Variants in MTUS1 observed in about 807,000 individuals in gnomAD.
MTUS1 encodes microtubule-associated tumor suppressor 1.
In MTUS1, 109 loss-of-function variants were observed where a neutral mutation model predicts 120.8. The observed-to-expected ratio is 0.90, with a 90% confidence interval of 0.77 to 1.06. The LOEUF (loss-of-function observed/expected upper bound fraction) is 1.06, where lower values mean the gene tolerates loss of function less well. Among genes scored for constraint, MTUS1 ranks in the 50% least tolerant of loss-of-function variants. The pLI is 0.00. For synonymous variants in MTUS1, 737 were observed against 550.5 expected (o/e 1.34, Z -4.74); for missense variants, 2,210 against 1,486.3 (o/e 1.49, Z -8.01).
At chr8:17,760,056 CTT>C (rs58249092) in intron 1 of MTUS1, among the ~76,000 whole-genome samples, 43 of 95,444 alleles carry the variant, frequency 4.5e-4, no homozygotes, top group East Asian at 8.9e-4. Flanking sequence ...GATTTCTTTT[CTT>C]TTTTTTTTTT....
At position 17,743,745 on chromosome 8, in the gene MTUS1, A is replaced by G; in HGVS notation, c.2146T>C (p.Ser716Pro). ...TSGRNISKPD[S>P]CGLRQIAAPK... ...GCAGCTATTTGCCTCAAACCGCAGGAGTCAGGCTTGGATATATTCCTACCT... is the reference window on the plus strand; with the variant it reads ...GCAGCTATTTGCCTCAAACCGCAGGGGTCAGGCTTGGATATATTCCTACCT... Residue 716 changes from serine (S) to proline (P), a missense_variant, in exon 3 of 15, where the codon TCC (serine) becomes CCC (proline). Ser to Pro is a moderately conservative substitution (Grantham distance 74). Transcript: ENST00000693296. 6.2e-7 allele frequency: 1 copy of G among 1,614,128 alleles called. No individual in the cohort carries two copies. The highest frequency in any genetic ancestry group is 8.5e-7 in the Non-Finnish European group (1 of 1,180,028).
intron 3 of MTUS1, among the ~76,000 whole-genome samples, chr8:17,739,839 CATCTT>C (rs561681282): frequency 6.6e-6 from 1 of 152,318 alleles, no homozygotes; most frequent in Non-Finnish European, 1.5e-5. Context: ...ATCACTATCT[CATCTT>C]ATTTCAGTAT....
chr8:17,703,144 G>C (rs1488920447), intron 6 of MTUS1, among the ~76,000 whole-genome samples: 1 of 152,176 alleles, frequency 6.6e-6, no homozygotes, highest in Non-Finnish European at 1.5e-5. Context: ...CATAAGGTCT[G>C]ACTGCCTGCG....
At position 17,758,751 on chromosome 8, in the gene MTUS1, C is replaced by G. The variant is rs151092598; in HGVS notation, c.-154-2790G>C. 1.2e-3 allele frequency among the ~76,000 whole-genome samples: 189 copies of G among 152,334 alleles called. 1 individual carries two copies. Among genetic ancestry groups the G allele is most frequent in the African/African-American group, 4.1e-3 (170 of 41,588 alleles). The stretch of plus-strand genomic sequence containing the variant: ...ACGCACTTAGCATAGATCGTGGGAA[C>G]TGTCTTTGTAAATAATTGTTAGCTT... On this transcript the variant is annotated intron_variant, in intron 1 of 14. Transcript: ENST00000693296.
Position 17,656,050 on chromosome 8 carries a change from G to T in MTUS1, c.2921C>A (p.Thr974Asn). 1 of 1,614,148 alleles carries T rather than the reference G, an allele frequency of 6.2e-7. No homozygotes were observed. The highest frequency in any genetic ancestry group is 1.1e-5 in the South Asian group (1 of 91,080). The change falls in exon 9 of 15, where the codon ACC (threonine) becomes AAC (asparagine). Residue 974 changes from threonine (T) to asparagine (N), a missense_variant. Transcript: ENST00000693296. The stretch of plus-strand genomic sequence containing the variant: ...CCTGGCTTTTTCTAATTTCTCACAG[G>T]TGGTTGAAGCAGTGACTGAAAACAG... ...LRGELVTAST[T>N]CEKLEKARNE...
chr8:17,663,000 CAAG>C (rs1810099585), intron 8 of MTUS1, among the ~76,000 whole-genome samples: 1 of 151,978 alleles, frequency 6.6e-6, no homozygotes, highest in South Asian at 2.1e-4. Context: ...ATGAATCACC[CAAG>C]AAGAATTCTA....
intron 1 of MTUS1, among the ~76,000 whole-genome samples, chr8:17,763,191 C>T (rs1187761652): frequency 6.6e-6 from 1 of 152,024 alleles, no homozygotes; most frequent in Non-Finnish European, 1.5e-5. Context: ...AAGGTTTCAC[C>T]ATCTTGGCCA....
chr8:17,777,485 G>C (rs916681416), intron 1 of MTUS1, among the ~76,000 whole-genome samples: 2 of 151,122 alleles, frequency 1.3e-5, no homozygotes, highest in Admixed American at 6.6e-5. Context: ...GGCACAGTGT[G>C]TCCCTGGAAC....
In MTUS1 at chr8:17,645,748, G is replaced by T; in HGVS notation, c.*178C>A. Reference sequence around the variant, plus strand: ...AGGAATCTTTTGGACGGAGGCAAAAGTCTTCCTCCAGAGTTCCAGTCTCAG... The same window carrying T: ...AGGAATCTTTTGGACGGAGGCAAAATTCTTCCTCCAGAGTTCCAGTCTCAG... On this transcript the variant is annotated 3_prime_UTR_variant, in exon 15 of 15. Coordinates refer to ENST00000693296, the MANE Select transcript of MTUS1 (RefSeq NM_001363059.2). The T allele has an allele frequency of 1.3e-6, 1 of 747,106 alleles. No homozygotes were observed. Among genetic ancestry groups the T allele is most frequent in the Non-Finnish European group, 2.0e-6 (1 of 508,110 alleles). 46.3% of individuals were successfully genotyped at this position (747,106 alleles called of 1,614,324 possible).
intron 6 of MTUS1, among the ~76,000 whole-genome samples, chr8:17,689,490 C>G (rs1252062522): frequency 6.6e-6 from 1 of 152,172 alleles, no homozygotes; most frequent in Non-Finnish European, 1.5e-5. Flanking sequence ...CCTGAAGCAA[C>G]AGTCCAAACT....
At chr8:17,766,447 C>A (rs1453716617) in intron 1 of MTUS1, among the ~76,000 whole-genome samples, 1 of 152,200 alleles carries the variant, frequency 6.6e-6, no homozygotes, top group East Asian at 1.9e-4. Context: ...AATAGGCAAA[C>A]CTCTCTCAGC....
chr8:17,795,158 A>G (rs1437449583), intron 1 of MTUS1, among the ~76,000 whole-genome samples: 1 of 152,214 alleles, frequency 6.6e-6, no homozygotes, highest in Non-Finnish European at 1.5e-5. Context: ...ATAAAAGATA[A>G]GCTAACTACC....
intron 3 of MTUS1, among the ~76,000 whole-genome samples, chr8:17,741,852 T>TA (rs1187123527): frequency 2.6e-5 from 4 of 152,162 alleles, no homozygotes; most frequent in Non-Finnish European, 5.9e-5. Flanking sequence ...GACAGGGTCT[T>TA]AGATTCTCAG....
intron 1 of MTUS1, among the ~76,000 whole-genome samples, chr8:17,775,608 T>C (rs775735360): frequency 2.0e-5 from 3 of 152,270 alleles, no homozygotes; most frequent in Non-Finnish European, 4.4e-5. Flanking sequence ...ATTCTCACTC[T>C]ATTAACTTAA....
upstream of MTUS1, among the ~76,000 whole-genome samples, chr8:17,801,124 C>T (rs1201293633): frequency 6.6e-6 from 1 of 151,762 alleles, no homozygotes; most frequent in Admixed American, 6.5e-5. Context: ...GCGCCCTTTG[C>T]ACCACTGGCG....
chr8:17,724,042 G>C (rs1298490766), intron 3 of MTUS1: 1 of 569,128 alleles, frequency 1.8e-6, no homozygotes, highest in Admixed American at 3.2e-5. Context: ...CAGAAATGAT[G>C]AGGCAATTAG....
At chr8:17,783,694 G>C (rs1177595152) in intron 1 of MTUS1, among the ~76,000 whole-genome samples, 2 of 152,228 alleles carry the variant, frequency 1.3e-5, no homozygotes, top group East Asian at 3.9e-4. Flanking sequence ...GGGCCTGACA[G>C]CCTATTGGTG....
At position 17,755,064 on chromosome 8, in the gene MTUS1, A is replaced by T; in HGVS notation, c.744T>A (p.Asp248Glu). Residue 248 changes from aspartate (D) to glutamate (E), a missense_variant, in exon 2 of 15, where the codon GAT becomes GAA. Physicochemically the swap from Asp to Glu is conservative, Grantham distance 45. Transcript: ENST00000693296. The part of the protein sequence containing the change: ...AQDMTYTAFS[D>E]VVMQSEVFVS... ...CAAAAACCTCACTTTGCATCACCAC[A>T]TCAGAAAATGCTGTGTAAGTCATGT... The T allele has an allele frequency of 6.2e-7, 1 of 1,613,856 alleles. No individual in the cohort carries two copies.
intron 4 of MTUS1, 62 bp downstream of exon 4, chr8:17,723,610 A>G (rs779023553): frequency 4.0e-6 from 6 of 1,505,292 alleles, no homozygotes; most frequent in East Asian, 2.2e-5. Flanking sequence ...TTTGCAGAGC[A>G]TTAGTTTTTC....
Sources: gnomAD v4.1 joint callset for allele counts (sites outside exome capture counted in the v4.1 genomes callset) on GRCh38, gnomAD v4.1.1 for gene constraint, MANE v1.5 for transcripts, NCBI Gene and HGNC (gene_info 2026-07-23, HGNC 2026-07-21) for gene names.